The following TNKS1BP1 variants were observed in gnomAD, a reference collection of about 807,000 sequenced individuals.
TNKS1BP1 encodes 182 kDa tankyrase-1-binding protein.
Under a neutral mutation model 141.1 loss-of-function variants are expected in TNKS1BP1, and 48 were observed. The observed-to-expected ratio is 0.34, with a 90% CI of 0.27 to 0.43. The LOEUF is 0.43. Ranked by LOEUF, TNKS1BP1 falls within the 20% of genes least tolerant of loss-of-function variation. The probability of loss-of-function intolerance (pLI) is 1.00; values close to 1 mark genes in which losing one functional copy is unlikely to be tolerated. For synonymous variants in TNKS1BP1, 875 were observed against 898.2 expected (o/e 0.97, Z 0.46); for missense variants, 2,149 against 2,226.0 (o/e 0.97, Z 0.70).
intron 2 of TNKS1BP1, 32 bp downstream of exon 2, chr11:57,321,760 G>T: frequency 9.6e-7 from 1 of 1,038,544 alleles, no homozygotes. Context: ...CCCCCTCCCA[G>T]CCACCTGGCT....
At chr11:57,320,768 T>A in intron 2 of TNKS1BP1, 56 bp from the exon 3 acceptor site, 17 of 1,487,758 alleles carry the variant, frequency 1.1e-5, no homozygotes, top group Non-Finnish European at 1.5e-5. Flanking sequence ...GAAGCAGAAC[T>A]TCTTTGTTTC....
chr11:57,303,160 C>T (rs900543070), intron 6 of TNKS1BP1: 2 of 267,792 alleles, frequency 7.5e-6, no homozygotes, highest in Non-Finnish European at 1.4e-5. Context: ...ACCGCAGAAG[C>T]AGCAGCCATT....
intron 3 of TNKS1BP1, among the ~76,000 whole-genome samples, chr11:57,319,767 CAA>C (rs35985668): frequency 3.8e-4 from 39 of 102,886 alleles, no homozygotes; most frequent in African/African-American, 9.6e-4. Flanking sequence ...AACACCATCT[CAA>C]AAAAAAAAAA....
rs530656287 is a variant in TNKS1BP1 at position 57,308,325 on chromosome 11, A to G, written c.4316+70T>C. ...GAAAAACTGTTTCTTCCCTCCTCAGAAAGGTTCCGATTTCTTGGACAGCCT... is the reference window on the plus strand; with the variant it reads ...GAAAAACTGTTTCTTCCCTCCTCAGGAAGGTTCCGATTTCTTGGACAGCCT... On this transcript the variant is annotated intron_variant, in intron 6 of 11. Transcript: ENST00000358252. The G allele has an allele frequency of 5.2e-6, 8 of 1,524,532 alleles. 1 individual carries two copies. The South Asian group carries it at 8.0e-5, about 15-fold the overall frequency. The allele number at this position is 1,524,532 out of a possible 1,614,324, so 94.4% of individuals were successfully genotyped here.
In TNKS1BP1 at chr11:57,309,714, C is replaced by A. The variant is rs1440382408; in HGVS notation, c.2997G>T (p.Glu999Asp). Residue 999 changes from glutamate (E) to aspartate (D), a missense_variant, in exon 6 of 12, where the codon GAG becomes GAT. Coordinates refer to ENST00000358252, the MANE Select transcript of TNKS1BP1 (RefSeq NM_033396.3). This position sits in a 1 kb window ranked among gnomAD's most constrained non-coding sequence, Gnocchi z 4.3. Reference sequence around the variant, plus strand: ...TGTCTTCCACACTTGGAATCTTCTTCTCAAATTCCTCATCCTGTTGCTGGG... The same window carrying A: ...TGTCTTCCACACTTGGAATCTTCTTATCAAATTCCTCATCCTGTTGCTGGG... ...EEAQQQDEEF[E>D]KKIPSVEDSL... The A allele has an allele frequency of 6.2e-7, 1 of 1,614,228 alleles. No individual in the cohort carries two copies.
At position 57,302,201 on chromosome 11, in the gene TNKS1BP1, G is replaced by A; in HGVS notation, c.4707C>T (p.Ala1569=). Residue 1569 remains alanine, a synonymous_variant, in exon 8 of 12, where the codon GCC becomes GCT. Transcript: ENST00000358252. This position sits in a 1 kb window ranked among gnomAD's most constrained non-coding sequence, Gnocchi z 5.5. The part of the protein sequence containing the change: ...FIEDTEILDS[A]MYRSRANLGR... ...CCAAGTTGGCACGGCTCCGATACATGGCACTGTCGAGGATCTCGGTGTCCT... is the reference window on the plus strand; with the variant it reads ...CCAAGTTGGCACGGCTCCGATACATAGCACTGTCGAGGATCTCGGTGTCCT... The A allele has an allele frequency of 6.2e-7, 1 of 1,612,722 alleles. No homozygotes were observed. The highest frequency in any genetic ancestry group is 8.5e-7 in the Non-Finnish European group (1 of 1,179,764).
chr11:57,312,584 C>T lies in TNKS1BP1; in HGVS notation c.2104G>A (p.Gly702Arg). 1 of 1,517,062 alleles carries T rather than the reference C, an allele frequency of 6.6e-7. No homozygotes were observed. The highest frequency in any genetic ancestry group is 2.2e-5 in the Admixed American group (1 of 44,466). The allele number at this position is 1,517,062 out of a possible 1,614,324, so 94.0% of individuals were successfully genotyped here. A position where few individuals can be genotyped will look rare whatever the true frequency, so the allele number is the denominator to read the frequency against. The change falls in exon 5 of 12, where the codon GGA (glycine) becomes AGA (arginine). Residue 702 changes from glycine (G) to arginine (R), a missense_variant. By Grantham distance (125) the Gly-to-Arg change is moderately radical (BLOSUM62 -2). Transcript: ENST00000358252. ...PPPSGGGARR[G>R]AGAELKDTQS... ...GTGTCCTTCAGCTCAGCTCCAGCTC[C>T]CCGCCTTGCACCGCCACCACTGGGT...
intron 5 of TNKS1BP1, chr11:57,311,214 C>G: frequency 1.0e-6 from 1 of 982,368 alleles, no homozygotes; most frequent in Admixed American, 6.1e-5. Flanking sequence ...CACCCCACCC[C>G]CCACCTCACG....
Position 57,309,764 on chromosome 11 carries a change from T to G in TNKS1BP1, c.2947A>C (p.Ser983Arg), listed in dbSNP as rs200580690. The G allele has an allele frequency of 1.9e-6, 3 of 1,614,190 alleles. No individual in the cohort carries two copies. The East Asian group carries it at 6.7e-5, about 36-fold the overall frequency. ...GCTTCCTCGGGGCTGAACCCAGAGC[T>G]CAGGGGTCTCGTTCCAAAGCTTCTG... is the stretch of plus-strand genomic sequence containing the variant. Reference protein sequence around the residue: ...QDRSFGTRPLSSGFSPEEAQQ... With the variant: ...QDRSFGTRPLRSGFSPEEAQQ... The change falls in exon 6 of 12, where the codon AGC (serine) becomes CGC (arginine). Residue 983 changes from serine to arginine, a missense_variant. Transcript: ENST00000358252. This position sits in a 1 kb window ranked among gnomAD's most constrained non-coding sequence, Gnocchi z 4.3.
At position 57,313,648 on chromosome 11, in the gene TNKS1BP1, CCCT is replaced by C; in HGVS notation, c.1037_1039del (p.Glu346del). The C allele has an allele frequency of 1.3e-6, 2 of 1,556,092 alleles. No individual in the cohort carries two copies. Among genetic ancestry groups the C allele is most frequent in the South Asian group, 2.4e-5 (2 of 84,134 alleles). ...CCCCGGGCTGGGGGTGTGGCGGGAG[CCCT>C]CGTCAGGCAGGGCTGCACTTGGAGC... On this transcript the variant is annotated inframe_deletion, in exon 5 of 12. Coordinates refer to ENST00000358252, the MANE Select transcript of TNKS1BP1 (RefSeq NM_033396.3).
intron 1 of TNKS1BP1, among the ~76,000 whole-genome samples, chr11:57,322,597 G>T (rs113688171): frequency 3.9e-5 from 6 of 152,280 alleles, no homozygotes; most frequent in African/African-American, 1.4e-4. Context: ...TTTCTCAATC[G>T]CTTGGCTTCA....
chr11:57,322,737 G>A (rs1042143742), intron 1 of TNKS1BP1, among the ~76,000 whole-genome samples: 1 of 152,170 alleles, frequency 6.6e-6, no homozygotes, highest in Non-Finnish European at 1.5e-5. Context: ...GAACGGGACA[G>A]GGCTTGAGAA....
intron 4 of TNKS1BP1, among the ~76,000 whole-genome samples, chr11:57,314,209 C>G (rs1590590508): frequency 6.6e-6 from 1 of 152,242 alleles, no homozygotes; most frequent in East Asian, 1.9e-4. Context: ...TCAGAGGCCA[C>G]AGTTCGGGGT....
intron 4 of TNKS1BP1, among the ~76,000 whole-genome samples, chr11:57,316,956 C>G (rs534291142): frequency 6.6e-6 from 1 of 152,230 alleles, no homozygotes; most frequent in Admixed American, 6.5e-5. Context: ...TTGGTCCTCA[C>G]TACCACCTAA....
rs764930781 is a variant in TNKS1BP1, at chr11:57,309,901, A to C, written c.2810T>G (p.Leu937Arg). 25 of 1,613,854 alleles carry C rather than the reference A, an allele frequency of 1.5e-5. No homozygotes were observed. In the Admixed American group the frequency reaches 3.8e-4, roughly 25 times the overall value. The change falls in exon 6 of 12, where the codon CTC (leucine) becomes CGC (arginine). Residue 937 changes from leucine (L) to arginine (R), a missense_variant. Physicochemically the swap from Leu to Arg is moderately radical, Grantham distance 102. Coordinates refer to ENST00000358252, the MANE Select transcript of TNKS1BP1 (RefSeq NM_033396.3). This position sits in a 1 kb window ranked among gnomAD's most constrained non-coding sequence, Gnocchi z 4.3. ...CGCAGCCCGGCTGCCATAGGTGCCG[A>C]GTGACACATCTCTCTTCTGAAACTC... The part of the protein sequence containing the change: ...DWEFQKRDVS[L>R]GTYGSRAAEP...
chr11:57,302,487 G>T lies in TNKS1BP1; in HGVS notation c.4655C>A (p.Ser1552Tyr), dbSNP rs756039520. ...RRPSQGPPAR[S>Y]PSQDFSFIED... The stretch of plus-strand genomic sequence containing the variant: ...AATGAAGGAGAAGTCCTGACTGGGG[G>T]ATCTGGCAGGAGGGCCTTGGGAGGG... Residue 1552 changes from serine (S) to tyrosine (Y), a missense_variant, in exon 7 of 12, where the codon TCC (serine) becomes TAC (tyrosine). Coordinates refer to ENST00000358252, the MANE Select transcript of TNKS1BP1 (RefSeq NM_033396.3). This position sits in a 1 kb window ranked among gnomAD's most constrained non-coding sequence, Gnocchi z 5.5. 1.0e-5 allele frequency: 16 copies of T among 1,605,462 alleles called. 1 individual carries two copies. In the South Asian group the frequency reaches 1.0e-4, roughly 10 times the overall value.
At chr11:57,311,402 CGGCCAGCCGGGCGCAGGGA>C in intron 5 of TNKS1BP1, 2 of 985,624 alleles carry the variant, frequency 2.0e-6, no homozygotes, top group Non-Finnish European at 2.4e-6. Flanking sequence ...CTGCTGGGTG[CGGCCAGCCGGGCGCAGGGA>C]TAGAGCTGGG....
In TNKS1BP1 at chr11:57,313,626, C is replaced by G. The variant is rs767578346; in HGVS notation, c.1062G>C (p.Pro354=). ...CTGGAGCCCCCTCGGCAGGGAGCCCCGGGCTGGGGGTGTGGCGGGAGCCCT... is the reference window on the plus strand; with the variant it reads ...CTGGAGCCCCCTCGGCAGGGAGCCCGGGGCTGGGGGTGTGGCGGGAGCCCT... ...PDEGSRHTPS[P]GLPAEGAPEA... Residue 354 remains proline, a synonymous_variant, in exon 5 of 12, where the codon CCG becomes CCC. Transcript: ENST00000358252. 1 of 1,590,638 alleles carries G rather than the reference C, an allele frequency of 6.3e-7. No individual in the cohort carries two copies. Among genetic ancestry groups the G allele is most frequent in the South Asian group, 1.1e-5 (1 of 88,396 alleles).
chr11:57,324,700 C>A, intron 1 of TNKS1BP1, 140 bp downstream of exon 1: 1 of 889,428 alleles, frequency 1.1e-6, no homozygotes, highest in Non-Finnish European at 1.3e-6. Flanking sequence ...TCGGCCCCTG[C>A]AAACTTTCCT....
Sources: allele counts gnomAD v4.1 joint callset (sites outside exome capture counted in the v4.1 genomes callset), GRCh38; gene constraint gnomAD v4.1.1; non-coding constraint Gnocchi (gnomAD v3.1); transcripts MANE v1.5; gene names NCBI Gene and HGNC (gene_info 2026-07-23, HGNC 2026-07-21).